The following PRDM5 variants were observed in gnomAD, a reference collection of about 807,000 sequenced individuals.
PRDM5 encodes the protein PR domain zinc finger protein 5.
PRDM5 carries 56 observed loss-of-function variants against 81.2 expected under a neutral mutation model. The observed-to-expected ratio is 0.69, with a 90% CI of 0.56 to 0.86. The LOEUF (loss-of-function observed/expected upper bound fraction) is 0.86. PRDM5 is among the 40% of genes least tolerant of loss of function. The pLI, the probability that PRDM5 is intolerant of heterozygous loss-of-function variation, is 0.00. For missense variants in PRDM5, 697 were observed against 770.1 expected (o/e 0.91, Z 1.12); for synonymous variants, 267 against 256.4 (o/e 1.04, Z -0.39).
At chr4:120,685,211 T>C (rs1032075774) in intron 1 of PRDM5, among the ~76,000 whole-genome samples, 3 of 152,066 alleles carry the variant, frequency 2.0e-5, no homozygotes, top group Admixed American at 2.0e-4. Context: ...AATATTTGAA[T>C]ACTATTATTT....
intron 14 of PRDM5, among the ~76,000 whole-genome samples, chr4:120,744,646 C>T (rs1265920488): frequency 2.0e-5 from 3 of 151,918 alleles, no homozygotes; most frequent in Admixed American, 1.3e-4. Context: ...GAGAATACTA[C>T]AAACACCTCT....
chr4:120,917,732 C>A (rs1724367997), intron 1 of PRDM5, among the ~76,000 whole-genome samples: 1 of 150,090 alleles, frequency 6.7e-6, no homozygotes, highest in African/African-American at 2.4e-5. Flanking sequence ...CCACAAGATA[C>A]CGTCGAAAGA....
rs1249076969 is a variant in PRDM5, at chr4:120,785,103, A to C, written c.1189-12T>G. 2 of 1,576,014 alleles carry C rather than the reference A, an allele frequency of 1.3e-6. No individual in the cohort carries two copies. The highest frequency in any genetic ancestry group is 1.7e-6 in the Non-Finnish European group (2 of 1,145,640). On this transcript the variant is annotated splice_polypyrimidine_tract_variant and intron_variant, in intron 10 of 15. Coordinates refer to ENST00000264808, the MANE Select transcript of PRDM5 (RefSeq NM_018699.4). ...TCCTCAGAGTGGGTCTGCAGAGGAAAAACACTGAGTCAGGAGGATCTAGAA... is the reference window on the plus strand; with the variant it reads ...TCCTCAGAGTGGGTCTGCAGAGGAACAACACTGAGTCAGGAGGATCTAGAA...
intron 8 of PRDM5, chr4:120,810,405 G>T (rs1753664656): frequency 6.6e-6 from 1 of 152,064 alleles, no homozygotes; most frequent in African/African-American, 2.4e-5. Context: ...GAGGAAAAAA[G>T]ACCTATAAAA....
At chr4:120,804,471 G>C (rs577799037) in intron 8 of PRDM5, among the ~76,000 whole-genome samples, 1 of 152,312 alleles carries the variant, frequency 6.6e-6, no homozygotes, top group South Asian at 2.1e-4. Flanking sequence ...CTCAGCAAAT[G>C]TAAAAGAACA....
chr4:120,811,756 C>T (rs1031299064), intron 7 of PRDM5, among the ~76,000 whole-genome samples: 1 of 151,960 alleles, frequency 6.6e-6, no homozygotes, highest in African/African-American at 2.4e-5. Context: ...ATTATGGGTA[C>T]ATAATAGGTG....
intron 15 of PRDM5, among the ~76,000 whole-genome samples, chr4:120,705,958 G>A (rs724818): frequency 0.033 from 5,033 of 152,240 alleles, 240 homozygotes; most frequent in East Asian, 0.11. Context: ...AGAAATAAAG[G>A]TGACAATGAG....
chr4:120,704,829 T>A (rs1449304164), intron 15 of PRDM5, among the ~76,000 whole-genome samples: 3 of 151,954 alleles, frequency 2.0e-5, no homozygotes, highest in African/African-American at 7.3e-5. Flanking sequence ...GGGGGAATGA[T>A]ATGACAGGGA....
At position 120,712,968 on chromosome 4, in the gene PRDM5, C is replaced by T. The variant is rs537811738; in HGVS notation, c.1624-2555G>A. 2.0e-5 allele frequency among the ~76,000 whole-genome samples: 3 copies of T among 152,222 alleles called. No individual in the cohort carries two copies. The South Asian group carries it at 6.2e-4, about 32-fold the overall frequency. On this transcript the variant is annotated intron_variant, in intron 14 of 15. Coordinates refer to ENST00000264808, the MANE Select transcript of PRDM5 (RefSeq NM_018699.4). ...AAGCAATTCTCTAAGGCATGTGTAC[C>T]TAGATGTGGGACTGAATCTTCAACT...
At chr4:120,907,270 G>A (rs970587527) in intron 2 of PRDM5, among the ~76,000 whole-genome samples, 3 of 149,564 alleles carry the variant, frequency 2.0e-5, no homozygotes, top group South Asian at 2.1e-4. Flanking sequence ...GGGGGCGGAC[G>A]TTGCAGTGAG....
intron 13 of PRDM5, among the ~76,000 whole-genome samples, chr4:120,757,587 T>A (rs563110467): frequency 2.0e-5 from 3 of 152,334 alleles, no homozygotes; most frequent in African/African-American, 7.2e-5. Flanking sequence ...ATTAGTAGGC[T>A]GTGTAAAGAA....
rs923521551 is a variant in PRDM5 at position 120,745,531 on chromosome 4, C to T, written c.1623+9022G>A. On this transcript the variant is annotated intron_variant, in intron 14 of 15. Transcript: ENST00000264808. ...ATGAGATGATTGTATATCTAGAAAA[C>T]CCCATCGTCTCAGCCCAAAATCTCC... 1.4e-3 allele frequency among the ~76,000 whole-genome samples: 204 copies of T among 150,598 alleles called. 1 individual carries two copies. Among genetic ancestry groups the T allele is most frequent in the African/African-American group, 4.7e-3 (190 of 40,372 alleles).
chr4:120,869,859 A>C (rs1431872739), intron 2 of PRDM5, among the ~76,000 whole-genome samples: 2 of 152,244 alleles, frequency 1.3e-5, no homozygotes, highest in African/African-American at 2.4e-5. Flanking sequence ...GCACTCATGC[A>C]TCTGAGATCT....
chr4:120,781,153 C>G lies in PRDM5; in HGVS notation c.1433G>C (p.Ser478Thr). The stretch of plus-strand genomic sequence containing the variant: ...AAGACTTCCACTTACTTTCTTATGA[C>G]TTCTAAGCACTGAAGGTGTAACAAA... ...KAFVTPSVLR[S>T]HKKTHTGEKE... The change falls in exon 12 of 16, where the codon AGT becomes ACT. Residue 478 changes from serine to threonine, a missense_variant. Coordinates refer to ENST00000264808, the MANE Select transcript of PRDM5 (RefSeq NM_018699.4). 6.2e-7 allele frequency: 1 copy of G among 1,613,170 alleles called. No homozygotes were observed. Among genetic ancestry groups the G allele is most frequent in the Non-Finnish European group, 8.5e-7 (1 of 1,179,372 alleles).
intron 3 of PRDM5, among the ~76,000 whole-genome samples, chr4:120,823,410 T>C (rs1755548713): frequency 2.0e-5 from 3 of 152,264 alleles, no homozygotes; most frequent in South Asian, 4.2e-4. Context: ...TTTTCTCTGT[T>C]TGCCAAAAAA....
At chr4:120,821,977 A>T (rs963876933) in intron 3 of PRDM5, among the ~76,000 whole-genome samples, 2 of 152,138 alleles carry the variant, frequency 1.3e-5, no homozygotes, top group African/African-American at 4.8e-5. Flanking sequence ...TCCACCATCA[A>T]CATATCAAGA....
intron 14 of PRDM5, among the ~76,000 whole-genome samples, chr4:120,744,250 T>A (rs868518342): frequency 0.044 from 6,634 of 151,208 alleles, 268 homozygotes; most frequent in African/African-American, 0.11. Flanking sequence ...AAGACACAAC[T>A]TACCAGAATC....
At chr4:120,881,266 C>A (rs188715204) in intron 2 of PRDM5, among the ~76,000 whole-genome samples, 13 of 152,260 alleles carry the variant, frequency 8.5e-5, no homozygotes, top group African/African-American at 2.6e-4. Context: ...TCAGAGTCAG[C>A]AGTATGATAA....
intron 3 of PRDM5, among the ~76,000 whole-genome samples, chr4:120,839,439 T>C (rs545516617): frequency 6.6e-6 from 1 of 152,234 alleles, no homozygotes; most frequent in African/African-American, 2.4e-5. Context: ...GTAACTCCTC[T>C]CTCTAGGCAA....
Sources: allele counts gnomAD v4.1 joint callset (sites outside exome capture counted in the v4.1 genomes callset), GRCh38; gene constraint gnomAD v4.1.1; transcripts MANE v1.5; gene names NCBI Gene and HGNC (gene_info 2026-07-23, HGNC 2026-07-21).